The following PPP1R12A variants were observed in gnomAD, a reference collection of about 807,000 sequenced individuals.
PPP1R12A encodes protein phosphatase 1 regulatory subunit 12A, also known as myosin binding subunit.
In PPP1R12A, 19 loss-of-function variants were observed where a neutral mutation model predicts 139.6. That is an observed-to-expected ratio of 0.14 (90% CI 0.09 to 0.20). The LOEUF (loss-of-function observed/expected upper bound fraction) is 0.20. PPP1R12A is among the 10% of genes least tolerant of loss of function. PPP1R12A has a pLI of 1.00. For synonymous variants in PPP1R12A, 427 were observed against 420.6 expected (o/e 1.02, Z -0.19); for missense variants, 925 against 1,211.5 (o/e 0.76, Z 3.51).
chr12:79,901,188 G>A (rs1885612093), intron 1 of PPP1R12A, among the ~76,000 whole-genome samples: 1 of 152,144 alleles, frequency 6.6e-6, no homozygotes, highest in South Asian at 2.1e-4. Flanking sequence ...TGTTTGAGAT[G>A]CCTGATTACA....
intron 4 of PPP1R12A, among the ~76,000 whole-genome samples, chr12:79,831,783 A>G (rs1877463288): frequency 6.6e-6 from 1 of 152,214 alleles, no homozygotes; most frequent in Non-Finnish European, 1.5e-5. Context: ...AACATAAAGA[A>G]GCTTTGTTCC....
At position 79,790,401 on chromosome 12, in the gene PPP1R12A, G is replaced by GC. The variant is rs1871693975; in HGVS notation, c.2666+65dup. The GC allele has an allele frequency of 3.7e-6, 4 of 1,082,852 alleles. No homozygotes were observed. In the Admixed American group the frequency reaches 9.3e-5, roughly 25 times the overall value. 67.1% of individuals were successfully genotyped at this position (1,082,852 alleles called of 1,614,324 possible). ...AACTTACAAAATCCATAAATTCCTA[G>GC]CAACACATTTTTAACAAAGATAAAA... On this transcript the variant is annotated intron_variant, in intron 20 of 24. Coordinates refer to ENST00000450142, the MANE Select transcript of PPP1R12A (RefSeq NM_002480.3).
At chr12:79,826,368 T>A (rs1592676050) in intron 5 of PPP1R12A, among the ~76,000 whole-genome samples, 1 of 118,662 alleles carries the variant, frequency 8.4e-6, no homozygotes, top group Non-Finnish European at 1.7e-5. Flanking sequence ...TTGAGCAGGG[T>A]CTCCTTCTGT....
At chr12:79,846,175 T>C (rs919166049) in intron 2 of PPP1R12A, among the ~76,000 whole-genome samples, 5 of 152,208 alleles carry the variant, frequency 3.3e-5, no homozygotes, top group African/African-American at 1.2e-4. Context: ...AGCAGACAGA[T>C]AATTATACTA....
intron 4 of PPP1R12A, among the ~76,000 whole-genome samples, chr12:79,828,913 G>C (rs1025606981): frequency 2.0e-5 from 3 of 152,012 alleles, no homozygotes; most frequent in African/African-American, 7.2e-5. Flanking sequence ...AGAATACACT[G>C]GAATCAAAGA....
intron 1 of PPP1R12A, among the ~76,000 whole-genome samples, chr12:79,908,766 G>A (rs1193336511): frequency 6.6e-6 from 1 of 152,164 alleles, no homozygotes; most frequent in Non-Finnish European, 1.5e-5. Flanking sequence ...TGTTAACAGT[G>A]TTCAGATAAA....
intron 13 of PPP1R12A, 177 bp from the exon 14 acceptor site, chr12:79,805,945 T>C: frequency 1.1e-6 from 1 of 927,462 alleles, no homozygotes; most frequent in Non-Finnish European, 1.6e-6. Flanking sequence ...AGAGAGAAAT[T>C]TACATTTTAA....
intron 2 of PPP1R12A, among the ~76,000 whole-genome samples, chr12:79,850,366 T>C (rs1460224740): frequency 1.3e-5 from 2 of 152,212 alleles, no homozygotes; most frequent in Non-Finnish European, 2.9e-5. Flanking sequence ...GGTGAGATTC[T>C]GGGTTAACTG....
At chr12:79,802,181 TG>T (rs1337488863) in intron 14 of PPP1R12A, among the ~76,000 whole-genome samples, 1 of 152,122 alleles carries the variant, frequency 6.6e-6, no homozygotes, top group Non-Finnish European at 1.5e-5. Flanking sequence ...AATAAAATAT[TG>T]AAAGGTCTGT....
intron 11 of PPP1R12A, 135 bp downstream of exon 11, chr12:79,808,348 T>C: frequency 1.6e-6 from 1 of 609,058 alleles, no homozygotes; most frequent in Non-Finnish European, 2.8e-6. Context: ...ACCTGGTATT[T>C]TCTCCTTCAG....
intron 2 of PPP1R12A, among the ~76,000 whole-genome samples, chr12:79,846,012 G>A (rs998015142): frequency 1.2e-4 from 9 of 77,260 alleles, no homozygotes; most frequent in African/African-American, 2.2e-4. Context: ...ATCTCATCCC[G>A]CAAACAAGAG....
intron 5 of PPP1R12A, among the ~76,000 whole-genome samples, chr12:79,826,441 C>T (rs961483689): frequency 4.7e-5 from 7 of 149,418 alleles, no homozygotes; most frequent in Non-Finnish European, 1.0e-4. Context: ...TGGACTCAAG[C>T]GATCCTTCTA....
At chr12:79,850,796 T>C (rs987039147) in intron 2 of PPP1R12A, among the ~76,000 whole-genome samples, 6 of 152,124 alleles carry the variant, frequency 3.9e-5, no homozygotes, top group African/African-American at 1.4e-4. Flanking sequence ...TCACGAGATA[T>C]GGCTGTTTGA....
intron 3 of PPP1R12A, among the ~76,000 whole-genome samples, chr12:79,840,357 G>T (rs114420928): frequency 6.6e-6 from 1 of 152,064 alleles, no homozygotes; most frequent in South Asian, 2.1e-4. Context: ...TTAGCTTTTC[G>T]TCTCCAGGGT....
chr12:79,834,947 G>C (rs1592687990), intron 3 of PPP1R12A, among the ~76,000 whole-genome samples: 1 of 152,276 alleles, frequency 6.6e-6, no homozygotes, highest in East Asian at 1.9e-4. Context: ...TGGATTGAGA[G>C]ATTCCTAGAT....
intron 2 of PPP1R12A, among the ~76,000 whole-genome samples, chr12:79,852,193 C>CTT (rs200453712): frequency 4.4e-4 from 60 of 137,028 alleles, no homozygotes; most frequent in African/African-American, 1.0e-3. Flanking sequence ...CTTTTTCTTT[C>CTT]TTTTTTTTTT....
At chr12:79,808,653 A>G (rs940667341) in intron 10 of PPP1R12A, 76 bp from the exon 11 acceptor site, 16 of 757,000 alleles carry the variant, frequency 2.1e-5, no homozygotes, top group Admixed American at 4.8e-5. Flanking sequence ...TATTAAGAAA[A>G]GGTTATTCAA....
chr12:79,827,423 C>T (rs1304595120), intron 5 of PPP1R12A, among the ~76,000 whole-genome samples: 1 of 152,138 alleles, frequency 6.6e-6, no homozygotes, highest in Admixed American at 6.6e-5. Flanking sequence ...TTATGAATCT[C>T]TGCTACATAA....
At chr12:79,921,316 G>C (rs1450823520) in intron 1 of PPP1R12A, among the ~76,000 whole-genome samples, 1 of 151,980 alleles carries the variant, frequency 6.6e-6, no homozygotes, top group Admixed American at 6.6e-5. Flanking sequence ...CATATAAAAA[G>C]AAAGTTGAAA....
Sources: gnomAD v4.1 joint callset for allele counts (sites outside exome capture counted in the v4.1 genomes callset) on GRCh38, gnomAD v4.1.1 for gene constraint, MANE v1.5 for transcripts, NCBI Gene and HGNC (gene_info 2026-07-23, HGNC 2026-07-21) for gene names.